Variants in LMBR1 observed in about 807,000 individuals in gnomAD.
The protein encoded by LMBR1 is limb development membrane protein 1, also known as limb region 1 protein homolog.
Under a neutral mutation model 73.9 loss-of-function variants are expected in LMBR1, and 52 were observed. The observed-to-expected ratio is 0.70, with a 90% confidence interval of 0.56 to 0.89. The LOEUF (loss-of-function observed/expected upper bound fraction) is 0.89. Ranked by LOEUF, LMBR1 falls within the 40% of genes least tolerant of loss-of-function variation. LMBR1 has a pLI of 0.00. For missense variants in LMBR1, 539 were observed against 579.8 expected (o/e 0.93, Z 0.72); for synonymous variants, 215 against 209.4 (o/e 1.03, Z -0.23).
At chr7:156,769,851 GC>G (rs1307571170) in intron 5 of LMBR1, among the ~76,000 whole-genome samples, 1 of 152,178 alleles carries the variant, frequency 6.6e-6, no homozygotes, top group African/African-American at 2.4e-5. Context: ...CCCAGAGGGA[GC>G]CATCACTTCA....
intron 15 of LMBR1, among the ~76,000 whole-genome samples, chr7:156,695,867 G>GAAAAAA (rs397957629): frequency 2.8e-5 from 4 of 143,708 alleles, no homozygotes; most frequent in African/African-American, 5.1e-5. Flanking sequence ...GACACTGATG[G>GAAAAAA]AAAAAAAAAA....
chr7:156,724,368 A>C, intron 14 of LMBR1, among the ~76,000 whole-genome samples, 190 bp from the exon 15 acceptor site: 1 of 152,188 alleles, frequency 6.6e-6, no homozygotes, highest in Non-Finnish European at 1.5e-5. Context: ...TATATCTGTA[A>C]GTTCTAGAAG....
intron 4 of LMBR1, among the ~76,000 whole-genome samples, chr7:156,799,678 C>A (rs1830614028): frequency 6.6e-6 from 1 of 152,186 alleles, no homozygotes; most frequent in African/African-American, 2.4e-5. Flanking sequence ...ACTCACACAT[C>A]TCTCACTTTC....
intron 1 of LMBR1, among the ~76,000 whole-genome samples, chr7:156,889,088 CA>C (rs1268522044): frequency 1.3e-5 from 2 of 151,674 alleles, no homozygotes; most frequent in African/African-American, 4.8e-5. Context: ...AATTTTGACA[CA>C]TGCTACAACA....
chr7:156,891,740 T>C (rs997540309), intron 1 of LMBR1, among the ~76,000 whole-genome samples: 5 of 152,228 alleles, frequency 3.3e-5, no homozygotes, highest in African/African-American at 1.2e-4. Flanking sequence ...AGGGTACATG[T>C]ATGATTACAT....
chr7:156,794,066 T>C (rs1270365452), intron 5 of LMBR1, among the ~76,000 whole-genome samples: 1 of 152,180 alleles, frequency 6.6e-6, no homozygotes, highest in Non-Finnish European at 1.5e-5. Context: ...GCAGCACCTA[T>C]TACAACTTCC....
intron 15 of LMBR1, among the ~76,000 whole-genome samples, chr7:156,714,586 A>G (rs1812795693): frequency 6.6e-6 from 1 of 152,212 alleles, no homozygotes; most frequent in Admixed American, 6.5e-5. Context: ...CAGTATTTGA[A>G]TGGCAAACGT....
At chr7:156,699,783 C>A (rs1470258727) in intron 15 of LMBR1, among the ~76,000 whole-genome samples, 2 of 151,906 alleles carry the variant, frequency 1.3e-5, no homozygotes, top group Admixed American at 6.5e-5. Flanking sequence ...TTTATGCAGC[C>A]AAAAAACACA....
chr7:156,833,678 A>G (rs1004120765), intron 3 of LMBR1, 75 bp downstream of exon 3: 1 of 1,136,502 alleles, frequency 8.8e-7, no homozygotes, highest in African/African-American at 1.5e-5. Flanking sequence ...ACTTCTATCC[A>G]AAAATTAGAA....
At chr7:156,867,790 G>A (rs963036548) in intron 1 of LMBR1, among the ~76,000 whole-genome samples, 3 of 152,168 alleles carry the variant, frequency 2.0e-5, no homozygotes, top group Non-Finnish European at 4.4e-5. Flanking sequence ...TGCAACAGGG[G>A]ATGACTGCTA....
chr7:156,746,500 A>C (rs1407348878), intron 9 of LMBR1, among the ~76,000 whole-genome samples: 2 of 152,224 alleles, frequency 1.3e-5, no homozygotes, highest in Admixed American at 1.3e-4. Context: ...GAAAATAACT[A>C]AAATGGCATT....
downstream of LMBR1, among the ~76,000 whole-genome samples, chr7:156,673,280 CA>C (rs1339015481): frequency 6.6e-6 from 1 of 152,198 alleles, no homozygotes; most frequent in Non-Finnish European, 1.5e-5. Flanking sequence ...AAGTATCTCA[CA>C]CTTAAAAACA....
intron 15 of LMBR1, among the ~76,000 whole-genome samples, chr7:156,701,455 G>T (rs1809669126): frequency 6.6e-6 from 1 of 152,144 alleles, no homozygotes; most frequent in Non-Finnish European, 1.5e-5. Context: ...CATATTGTAT[G>T]ATTTCATATA....
chr7:156,736,754 C>T (rs1817949860), intron 9 of LMBR1: 1 of 329,238 alleles, frequency 3.0e-6, no homozygotes, highest in Non-Finnish European at 6.0e-6. Flanking sequence ...TGCCTATCCA[C>T]ATAGCAAACT....
chr7:156,852,361 T>TA (rs575618787), intron 1 of LMBR1, among the ~76,000 whole-genome samples: 95 of 150,952 alleles, frequency 6.3e-4, no homozygotes, highest in Non-Finnish European at 7.4e-4. Flanking sequence ...TTAGAAAAAC[T>TA]AAAAAAAAAT....
At position 156,725,500 on chromosome 7, in the gene LMBR1, C is replaced by T. The variant is rs775900111; in HGVS notation, c.1093G>A (p.Gly365Ser). The stretch of plus-strand genomic sequence containing the variant: ...CCAAAAAATCGAAGGCTATAGAAGC[C>T]GACAACAGAGGACACCATAAGATAG... ...IFYLMVSSVV[G>S]FYSLRFFGNF... Residue 365 changes from glycine to serine, a missense_variant, in exon 14 of 17, where the codon GGC becomes AGC. Around this residue, in one of 3 missense-constraint regions of LMBR1, gnomAD observed 454 missense variants for 473.4 expected, o/e 0.96. Coordinates refer to ENST00000353442, the MANE Select transcript of LMBR1 (RefSeq NM_022458.4). 3.7e-6 allele frequency: 6 copies of T among 1,607,242 alleles called. No individual in the cohort carries two copies. In the Admixed American group the frequency reaches 5.1e-5, roughly 14 times the overall value.
intron 10 of LMBR1, among the ~76,000 whole-genome samples, chr7:156,729,771 C>T (rs924670666): frequency 2.0e-5 from 3 of 152,210 alleles, no homozygotes; most frequent in Non-Finnish European, 4.4e-5. Flanking sequence ...CTGCGCCCAG[C>T]CCCCTTCTAT....
intron 15 of LMBR1, among the ~76,000 whole-genome samples, chr7:156,711,202 T>C (rs1440285383): frequency 6.6e-6 from 1 of 151,952 alleles, no homozygotes; most frequent in Non-Finnish European, 1.5e-5. Flanking sequence ...CCCAGCTACT[T>C]GGGAGGCTGA....
intron 1 of LMBR1, among the ~76,000 whole-genome samples, chr7:156,842,147 T>A (rs1838819188): frequency 6.6e-6 from 1 of 150,752 alleles, no homozygotes; most frequent in Non-Finnish European, 1.5e-5. Flanking sequence ...GTTCATCAAA[T>A]CAGATACATA....
Sources: allele counts gnomAD v4.1 joint callset (sites outside exome capture counted in the v4.1 genomes callset), GRCh38; gene constraint gnomAD v4.1.1; regional missense constraint gnomAD v4.1.1; transcripts MANE v1.5; gene names NCBI Gene and HGNC (gene_info 2026-07-23, HGNC 2026-07-21).